Variants in STAU2 observed in about 807,000 individuals in gnomAD.
The protein encoded by STAU2 is double-stranded RNA-binding protein Staufen homolog 2.
In STAU2, 20 loss-of-function variants were observed where a neutral mutation model predicts 65.9. The observed-to-expected ratio is 0.30, with a 90% confidence interval of 0.21 to 0.44. The LOEUF (loss-of-function observed/expected upper bound fraction) is 0.44, where lower values mean the gene tolerates loss of function less well. Ranked by LOEUF, STAU2 falls within the 20% of genes least tolerant of loss-of-function variation. The pLI, the probability that STAU2 is intolerant of heterozygous loss-of-function variation, is 1.00. For missense variants in STAU2, 558 were observed against 683.9 expected (o/e 0.82, Z 2.05); for synonymous variants, 232 against 233.9 (o/e 0.99, Z 0.07).
At chr8:73,541,094 T>C (rs1002313701) in intron 13 of STAU2, among the ~76,000 whole-genome samples, 2 of 152,180 alleles carry the variant, frequency 1.3e-5, no homozygotes, top group Non-Finnish European at 2.9e-5. Flanking sequence ...TGGTTGAGAT[T>C]TGAAAGTCTG....
In STAU2 at chr8:73,536,730, A is replaced by G. The variant is rs183269026; in HGVS notation, c.1530+15282T>C. On this transcript the variant is annotated intron_variant, in intron 13 of 14. Coordinates refer to ENST00000524300, the MANE Select transcript of STAU2 (RefSeq NM_001164380.2). Reference sequence around the variant, plus strand: ...ACTTTCACCCCCACCCAGCTGTAACAATATCCCTCCTCCCAAGAAGATGTC... The same window carrying G: ...ACTTTCACCCCCACCCAGCTGTAACGATATCCCTCCTCCCAAGAAGATGTC... Among the ~76,000 whole-genome samples, 8 of 152,234 alleles carry G rather than the reference A, an allele frequency of 5.3e-5. No homozygotes were observed. In the East Asian group the frequency reaches 1.5e-3, roughly 29 times the overall value.
At chr8:73,546,410 G>C (rs1002816227) in intron 13 of STAU2, among the ~76,000 whole-genome samples, 9 of 152,136 alleles carry the variant, frequency 5.9e-5, no homozygotes, top group African/African-American at 2.2e-4. Context: ...TACTTACAGG[G>C]ACTGGTCTTC....
chr8:73,694,609 A>G (rs553519522), intron 4 of STAU2, among the ~76,000 whole-genome samples: 47 of 152,314 alleles, frequency 3.1e-4, no homozygotes, highest in African/African-American at 1.1e-3. Flanking sequence ...TTTAACAACT[A>G]TGGACACAAA....
At chr8:73,566,108 A>G (rs1808588670) in intron 12 of STAU2, among the ~76,000 whole-genome samples, 1 of 152,234 alleles carries the variant, frequency 6.6e-6, no homozygotes, top group Non-Finnish European at 1.5e-5. Flanking sequence ...TCTCCTTATC[A>G]TGCTTTCTTC....
chr8:73,504,535 A>G (rs1821947290), intron 13 of STAU2, among the ~76,000 whole-genome samples: 2 of 152,102 alleles, frequency 1.3e-5, no homozygotes, highest in South Asian at 4.1e-4. Context: ...TCAAAATGAC[A>G]GTTTTGGGGA....
chr8:73,530,560 A>G (rs971227236), intron 13 of STAU2, among the ~76,000 whole-genome samples: 4 of 152,342 alleles, frequency 2.6e-5, no homozygotes, highest in Admixed American at 6.5e-5. Flanking sequence ...GGAGGCTGAC[A>G]TATCACTCCC....
At chr8:73,441,177 T>A in intron 13 of STAU2, 1 of 152,306 alleles carries the variant, frequency 6.6e-6, no homozygotes. Context: ...TCATTAAAAT[T>A]TTATTGCTGT....
At chr8:73,681,703 C>T (rs1818447096) in intron 5 of STAU2, among the ~76,000 whole-genome samples, 1 of 152,076 alleles carries the variant, frequency 6.6e-6, no homozygotes, top group African/African-American at 2.4e-5. Context: ...AAGAATTCAC[C>T]AACCAAGTAT....
intron 13 of STAU2, among the ~76,000 whole-genome samples, chr8:73,496,314 C>T (rs1821419023): frequency 6.6e-6 from 1 of 151,366 alleles, no homozygotes; most frequent in African/African-American, 2.4e-5. Flanking sequence ...TACACAGCCT[C>T]CTCCCCAGAT....
chr8:73,677,737 C>A (rs1215946687), intron 5 of STAU2, among the ~76,000 whole-genome samples: 5 of 152,134 alleles, frequency 3.3e-5, no homozygotes. Context: ...CATAAAAATT[C>A]ATCAAGCTCT....
chr8:73,597,514 A>T (rs916175016), intron 10 of STAU2, among the ~76,000 whole-genome samples: 14 of 150,820 alleles, frequency 9.3e-5, no homozygotes, highest in South Asian at 6.3e-4. Context: ...TAAAAAAAAA[A>T]AAAAAATTAG....
chr8:73,430,857 A>G (rs1444766663), intron 13 of STAU2, among the ~76,000 whole-genome samples: 1 of 152,214 alleles, frequency 6.6e-6, no homozygotes, highest in Non-Finnish European at 1.5e-5. Context: ...ATTAAAAGAC[A>G]CTTTGGAATG....
intron 13 of STAU2, among the ~76,000 whole-genome samples, chr8:73,479,070 C>T (rs2383908): frequency 0.6 from 90,725 of 151,832 alleles, 28,319 homozygotes; most frequent in East Asian, 0.91. Flanking sequence ...ATGGCCAATT[C>T]TGTTTCATCT....
chr8:73,433,792 C>A (rs574458951), intron 13 of STAU2, among the ~76,000 whole-genome samples: 5 of 151,878 alleles, frequency 3.3e-5, no homozygotes, highest in Admixed American at 2.6e-4. Context: ...CGTGAGCCAC[C>A]GTGCCTGGCC....
chr8:73,654,092 G>A (rs569658854), intron 6 of STAU2, among the ~76,000 whole-genome samples: 3 of 152,104 alleles, frequency 2.0e-5, no homozygotes, highest in South Asian at 4.2e-4. Flanking sequence ...AAATTTCATA[G>A]TTTATTTTAA....
At chr8:73,611,745 C>G (rs1812481547) in intron 9 of STAU2, among the ~76,000 whole-genome samples, 1 of 151,596 alleles carries the variant, frequency 6.6e-6, no homozygotes, top group South Asian at 2.1e-4. Flanking sequence ...TGGCAGTGAT[C>G]TTGGCTCACC....
At chr8:73,442,273 G>A (rs1421358573) in intron 13 of STAU2, among the ~76,000 whole-genome samples, 1 of 149,380 alleles carries the variant, frequency 6.7e-6, no homozygotes, top group African/African-American at 2.5e-5. Flanking sequence ...AGAATGGTGT[G>A]AACTTGGAAG....
chr8:73,464,607 C>G (rs994339089), intron 13 of STAU2, among the ~76,000 whole-genome samples: 1 of 151,822 alleles, frequency 6.6e-6, no homozygotes, highest in Non-Finnish European at 1.5e-5. Flanking sequence ...CGCGCACACA[C>G]ACACACACAC....
At chr8:73,661,136 C>T (rs1343655975) in intron 6 of STAU2, among the ~76,000 whole-genome samples, 6 of 152,082 alleles carry the variant, frequency 3.9e-5, no homozygotes, top group Admixed American at 1.3e-4. Context: ...AATTAGAAGT[C>T]GAATAACCTG....
Sources: allele counts gnomAD v4.1 joint callset (sites outside exome capture counted in the v4.1 genomes callset), GRCh38; gene constraint gnomAD v4.1.1; transcripts MANE v1.5; gene names NCBI Gene and HGNC (gene_info 2026-07-23, HGNC 2026-07-21).